Variants in FPGS observed in about 807,000 individuals in gnomAD.
The protein encoded by FPGS is folylpolyglutamate synthase.
Under a neutral mutation model 66.5 loss-of-function variants are expected in FPGS, and 53 were observed. That is an observed-to-expected ratio of 0.80 (90% CI 0.64 to 1.00). The LOEUF (loss-of-function observed/expected upper bound fraction) is 1.00. Ranked by LOEUF, FPGS falls within the 50% of genes least tolerant of loss-of-function variation. The pLI is 0.00. For missense variants in FPGS, 702 were observed against 807.7 expected, an observed-to-expected ratio of 0.87 and a Z score of 1.59; for synonymous variants, 348 against 350.9, an observed-to-expected ratio of 0.99 and a Z score of 0.09.
intron 14 of FPGS, 87 bp from the exon 15 acceptor site, chr9:127,813,108 G>T: frequency 6.7e-7 from 1 of 1,493,036 alleles, no homozygotes. Flanking sequence ...TGCGAAGCAG[G>T]TGCTCACGGT....
chr9:127,803,743 T>G (rs903049787), intron 1 of FPGS, among the ~76,000 whole-genome samples: 1 of 152,022 alleles, frequency 6.6e-6, no homozygotes, highest in African/African-American at 2.4e-5. Context: ...CCCACTTCCA[T>G]TGTGAACCCT....
chr9:127,803,143 CGCTAGCCGAGA>C, intron 1 of FPGS, 81 bp downstream of exon 1: 1 of 1,256,330 alleles, frequency 8.0e-7, no homozygotes, highest in Non-Finnish European at 1.0e-6. Context: ...ATCCGGGCTC[CGCTAGCCGAGA>C]GGGTATCGGG....
chr9:127,804,909 G>C, intron 4 of FPGS: 1 of 537,252 alleles, frequency 1.9e-6, no homozygotes, highest in Non-Finnish European at 3.3e-6. Context: ...TTTTTTTTGA[G>C]ACTGAGTCTC....
intron 1 of FPGS, among the ~76,000 whole-genome samples, chr9:127,803,752 C>G (rs1448431609): frequency 6.6e-6 from 1 of 152,112 alleles, no homozygotes; most frequent in Non-Finnish European, 1.5e-5. Context: ...ATTGTGAACC[C>G]TCCTGAAGCC....
At position 127,813,242 on chromosome 9, in the gene FPGS, C is replaced by A; in HGVS notation, c.1402C>A (p.Leu468Met). ...VTLDQVLLRC[L>M]EHQQHWNHLD... ...ACTGGACCAGGTCCTGCTCCGCTGC[C>A]TGGAACACCAGCAGCACTGGAACCA... Residue 468 changes from leucine (L) to methionine (M), a missense_variant, in exon 15 of 15, where the codon CTG becomes ATG. Around this residue, in one of 3 missense-constraint regions of FPGS, gnomAD observed 351 missense variants for 363.7 expected, o/e 0.97. Coordinates refer to ENST00000373247, the MANE Select transcript of FPGS (RefSeq NM_004957.6). 1 of 1,610,306 alleles carries A rather than the reference C, an allele frequency of 6.2e-7. No individual in the cohort carries two copies.
chr9:127,813,458 C>T lies in FPGS; in HGVS notation c.1618C>T (p.Pro540Ser). 6.2e-7 allele frequency: 1 copy of T among 1,612,666 alleles called. No homozygotes were observed. The highest frequency in any genetic ancestry group is 2.2e-5 in the East Asian group (1 of 44,868). ...AGACCCCATCTTCCAGCCACCTAGT[C>T]CCCCAAAGGGCCTCCTCACCCACCC... ...GRDPIFQPPS[P>S]PKGLLTHPVA... is the part of the protein sequence containing the mutation. The change falls in exon 15 of 15, where the codon CCC becomes TCC. Residue 540 changes from proline (P) to serine (S), a missense_variant. Coordinates refer to ENST00000373247, the MANE Select transcript of FPGS (RefSeq NM_004957.6).
intron 4 of FPGS, 142 bp downstream of exon 4, chr9:127,804,842 C>T (rs965118405): frequency 5.0e-5 from 38 of 765,322 alleles, no homozygotes; most frequent in African/African-American, 1.7e-4. Flanking sequence ...ATTCAATAAA[C>T]ATTCAGTTAG....
At chr9:127,812,322 A>ATTTTTTT (rs35879553) in intron 14 of FPGS, among the ~76,000 whole-genome samples, 2 of 138,610 alleles carry the variant, frequency 1.4e-5, no homozygotes. Flanking sequence ...TGGAATCTGC[A>ATTTTTTT]TTTTTTTTTT....
intron 14 of FPGS, 139 bp from the exon 15 acceptor site, chr9:127,813,056 C>A: frequency 7.8e-7 from 1 of 1,285,674 alleles, no homozygotes; most frequent in Non-Finnish European, 1.0e-6. Context: ...ATGGAGAAGG[C>A]CACTAGCCGA....
chr9:127,804,257 C>T, intron 1 of FPGS, 28 bp from the exon 2 acceptor site: 4 of 1,610,260 alleles, frequency 2.5e-6, no homozygotes, highest in African/African-American at 1.3e-5. Flanking sequence ...TGAGCCTTAA[C>T]CTACTATCTG....
upstream of FPGS, chr9:127,802,860 T>C (rs1204378965): frequency 6.0e-6 from 7 of 1,176,276 alleles, no homozygotes; most frequent in Non-Finnish European, 6.3e-6. Flanking sequence ...GCTGCGCTGA[T>C]TGGCTGGGGG....
chr9:127,812,130 T>G (rs1449099917), intron 14 of FPGS, among the ~76,000 whole-genome samples: 1 of 151,884 alleles, frequency 6.6e-6, no homozygotes, highest in African/African-American at 2.4e-5. Flanking sequence ...ACACCCGTGG[T>G]CCTAGCTACT....
intron 13 of FPGS, 71 bp from the exon 14 acceptor site, chr9:127,810,874 A>AG: frequency 1.3e-6 from 1 of 766,950 alleles, no homozygotes; most frequent in East Asian, 2.8e-5. Flanking sequence ...ATGTGGGCGC[A>AG]GGGGGCCATA....
intron 12 of FPGS, 69 bp downstream of exon 12, chr9:127,809,903 G>C: frequency 9.9e-7 from 1 of 1,010,816 alleles, no homozygotes; most frequent in South Asian, 1.4e-5. Context: ...GGGGAAGGGC[G>C]GGGCGGGGTC....
In FPGS at chr9:127,802,931, C is replaced by T. The variant is rs1352322867; in HGVS notation, c.7C>T (p.Arg3Trp). ...TGCCGGGGGCGCCGGGACTATGTCG[C>T]GGGCGCGGAGCCACCTGCGCGCCGC... MS[R>W]ARSHLRAALF... is the part of the protein sequence containing the mutation. Residue 3 changes from arginine to tryptophan, a missense_variant, in exon 1 of 15, where the codon CGG (arginine) becomes TGG (tryptophan). Coordinates refer to ENST00000373247, the MANE Select transcript of FPGS (RefSeq NM_004957.6). The T allele has an allele frequency of 2.3e-5, 32 of 1,389,334 alleles. No homozygotes were observed. Among genetic ancestry groups the T allele is most frequent in the Non-Finnish European group, 3.0e-5 (32 of 1,078,136 alleles). The allele number at this position is 1,389,334 out of a possible 1,614,324, so 86.1% of individuals were successfully genotyped here. A position where few individuals can be genotyped will look rare whatever the true frequency, so the allele number is the denominator to read the frequency against.
intron 4 of FPGS, among the ~76,000 whole-genome samples, chr9:127,805,304 G>A (rs765471738): frequency 6.6e-6 from 1 of 152,110 alleles, no homozygotes; most frequent in Non-Finnish European, 1.5e-5. Context: ...AGCACTTTGG[G>A]CAGCTGACAT....
intron 1 of FPGS, 100 bp downstream of exon 1, chr9:127,803,162 G>T (rs1297360294): frequency 7.9e-7 from 1 of 1,259,938 alleles, no homozygotes; most frequent in South Asian, 2.6e-5. Context: ...AGAGGGTATC[G>T]GGAGCCCTGG....
chr9:127,812,206 G>A (rs978970875), intron 14 of FPGS, among the ~76,000 whole-genome samples: 7 of 152,082 alleles, frequency 4.6e-5, no homozygotes, highest in Non-Finnish European at 1.0e-4. Context: ...TCATGAAGTC[G>A]TGATTGCATC....
intron 4 of FPGS, among the ~76,000 whole-genome samples, chr9:127,806,142 G>A (rs980883958): frequency 1.3e-5 from 2 of 152,210 alleles, no homozygotes; most frequent in African/African-American, 4.8e-5. Context: ...GCCGAAGCAG[G>A]CAGATCACTT....
Sources: gnomAD v4.1 joint callset for allele counts (sites outside exome capture counted in the v4.1 genomes callset) on GRCh38, gnomAD v4.1.1 for gene constraint, gnomAD v4.1.1 regional missense constraint, MANE v1.5 for transcripts, NCBI Gene and HGNC (gene_info 2026-07-23, HGNC 2026-07-21) for gene names.